The following ZNF345 variants were observed in gnomAD, a reference collection of about 807,000 sequenced individuals.
ZNF345 encodes the protein zinc finger protein 345.
For synonymous variants in ZNF345, 166 were observed against 187.9 expected (o/e 0.88, Z 0.95); for missense variants, 527 against 589.9 (o/e 0.89, Z 1.10).
At chr19:36,862,499 CCAAAAAATA>C (rs1332666633) in intron 2 of ZNF345, among the ~76,000 whole-genome samples, 3 of 151,084 alleles carry the variant, frequency 2.0e-5, no homozygotes, top group African/African-American at 7.3e-5. Context: ...CCCGTCTCTA[CCAAAAAATA>C]CAAAAATTAG....
downstream of ZNF345, among the ~76,000 whole-genome samples, chr19:36,881,481 T>C (rs1203727177): frequency 6.6e-6 from 1 of 152,104 alleles, no homozygotes; most frequent in Non-Finnish European, 1.5e-5. Context: ...AAGCAAAAAC[T>C]ATATCTAGGA....
chr19:36,892,479 A>C, intron 3 of ZNF345: 2 of 1,554,390 alleles, frequency 1.3e-6, no homozygotes, highest in Non-Finnish European at 1.7e-6. Context: ...GATCTGAAAG[A>C]AAATACAAAG....
At chr19:36,856,367 T>A (rs2072419045) in intron 2 of ZNF345, among the ~76,000 whole-genome samples, 1 of 152,230 alleles carries the variant, frequency 6.6e-6, no homozygotes, top group Non-Finnish European at 1.5e-5. Context: ...TATTCCCATA[T>A]TATTTATTCA....
rs1011334576 is a variant in ZNF345, at chr19:36,879,376, C to T, written c.*1079C>T. ...CTTACCAATCATAGATAATCACTGT[C>T]AAACTTTTGGAGCAAATCCTTTAAT... On this transcript the variant is annotated 3_prime_UTR_variant, in exon 3 of 3. Coordinates refer to ENST00000420450, the MANE Select transcript of ZNF345 (RefSeq NM_001242472.2). 1 of 166,998 alleles carries T rather than the reference C, an allele frequency of 6.0e-6. No homozygotes were observed. Among genetic ancestry groups the T allele is most frequent in the Admixed American group, 6.5e-5 (1 of 15,280 alleles). The allele number at this position is 166,998 out of a possible 1,614,324, so 10.3% of individuals were successfully genotyped here.
At chr19:36,856,389 T>C (rs1238488109) in intron 2 of ZNF345, among the ~76,000 whole-genome samples, 1 of 152,236 alleles carries the variant, frequency 6.6e-6, no homozygotes, top group African/African-American at 2.4e-5. Context: ...TGATAACTTA[T>C]TTGCTTTTCT....
chr19:36,882,903 T>C (rs2072977098), downstream of ZNF345, among the ~76,000 whole-genome samples: 1 of 152,188 alleles, frequency 6.6e-6, no homozygotes, highest in Non-Finnish European at 1.5e-5. Flanking sequence ...TATCCTCTGA[T>C]TATTTTGTTT....
At chr19:36,868,827 T>C (rs1345778044) in intron 2 of ZNF345, among the ~76,000 whole-genome samples, 6 of 151,174 alleles carry the variant, frequency 4.0e-5, no homozygotes, top group Admixed American at 3.9e-4. Context: ...GGTTTCACCA[T>C]GTTGGCCAAG....
At chr19:36,872,575 A>G in intron 2 of ZNF345, 1 of 152,512 alleles carries the variant, frequency 6.6e-6, no homozygotes. Flanking sequence ...CTGCTAGTGG[A>G]AGCAGCCTGA....
downstream of ZNF345, chr19:36,893,064 C>A: frequency 2.5e-6 from 1 of 398,742 alleles, no homozygotes; most frequent in South Asian, 1.3e-4. Context: ...TTTTGCAATT[C>A]GTAGATAACT....
intron 2 of ZNF345, among the ~76,000 whole-genome samples, chr19:36,853,148 A>G (rs2072322601): frequency 6.6e-6 from 1 of 151,182 alleles, no homozygotes; most frequent in South Asian, 2.1e-4. Context: ...TAATAAAATC[A>G]TTTCCTATGG....
chr19:36,877,388 A>G lies in ZNF345; in HGVS notation c.558A>G (p.Glu186=), dbSNP rs2072906089. Residue 186 remains glutamate, a synonymous_variant, in exon 3 of 3, where the codon GAA becomes GAG. Transcript: ENST00000420450. Reference sequence around the variant, plus strand: ...AATGTGGGAAGTCCTTTAGTTTTGAATCAGCCCTTATTCGGCATCACAGAA... The same window carrying G: ...AATGTGGGAAGTCCTTTAGTTTTGAGTCAGCCCTTATTCGGCATCACAGAA... The part of the protein sequence containing the change: ...CKECGKSFSF[E]SALIRHHRIH... The G allele has an allele frequency of 5.0e-6, 8 of 1,613,500 alleles. No individual in the cohort carries two copies. In the East Asian group the frequency reaches 1.8e-4, roughly 36 times the overall value.
chr19:36,889,278 T>G (rs1033471952), intron 3 of ZNF345: 4 of 152,190 alleles, frequency 2.6e-5, no homozygotes, highest in African/African-American at 9.7e-5. Context: ...TATCCTTGCC[T>G]GGCTTCAGTA....
At chr19:36,854,957 T>C (rs2072375451) in intron 2 of ZNF345, among the ~76,000 whole-genome samples, 1 of 151,164 alleles carries the variant, frequency 6.6e-6, no homozygotes, top group Non-Finnish European at 1.5e-5. Flanking sequence ...GGGTTTGCCA[T>C]TCTCCTGCCT....
At chr19:36,891,414 G>A (rs887881213) in intron 3 of ZNF345, 12 of 1,371,206 alleles carry the variant, frequency 8.8e-6, no homozygotes, top group African/African-American at 1.5e-5. Flanking sequence ...TTGATAATAT[G>A]TATCCTAATT....
At chr19:36,881,040 C>T (rs1454557904), downstream of ZNF345, among the ~76,000 whole-genome samples, 1 of 152,044 alleles carries the variant, frequency 6.6e-6, no homozygotes, top group Non-Finnish European at 1.5e-5. Flanking sequence ...ATAAAAAAAG[C>T]TAGATCAATC....
chr19:36,853,718 A>C (rs1250508504), intron 2 of ZNF345, among the ~76,000 whole-genome samples: 2 of 152,218 alleles, frequency 1.3e-5, no homozygotes, highest in African/African-American at 4.8e-5. Flanking sequence ...TAAAAAAATC[A>C]AGTGAACATA....
intron 3 of ZNF345, among the ~76,000 whole-genome samples, chr19:36,886,350 C>CA (rs2072996404): frequency 6.6e-6 from 1 of 152,168 alleles, no homozygotes; most frequent in Non-Finnish European, 1.5e-5. Flanking sequence ...AACACTCCCT[C>CA]ACTCAGGTGA....
At chr19:36,852,128 C>CTTTTTTTTTTTTTTTTTTTTTTTT (rs35747733) in intron 2 of ZNF345, among the ~76,000 whole-genome samples, 5 of 102,700 alleles carry the variant, frequency 4.9e-5, no homozygotes, top group Admixed American at 1.1e-4. Context: ...TTCTTTCTTT[C>CTTTTTTTTTTTTTTTTTTTTTTTT]TTTTTTTTTT....
Position 36,877,475 on chromosome 19 carries a change from A to G in ZNF345, c.645A>G (p.Ser215=). 6.2e-7 allele frequency: 1 copy of G among 1,614,188 alleles called. No homozygotes were observed. The change falls in exon 3 of 3, where the codon TCA becomes TCG. Residue 215 remains serine (S), a synonymous_variant. Coordinates refer to ENST00000420450, the MANE Select transcript of ZNF345 (RefSeq NM_001242472.2). ...IDCGKAFGSG[S]NLTQHRRIHT... ...GTGGTAAAGCCTTTGGCAGTGGTTC[A>G]AACCTTACTCAACATCGGCGGATTC...
Sources: allele counts gnomAD v4.1 joint callset (sites outside exome capture counted in the v4.1 genomes callset), GRCh38; gene constraint gnomAD v4.1.1; transcripts MANE v1.5; gene names NCBI Gene and HGNC (gene_info 2026-07-23, HGNC 2026-07-21).